Variants in BABAM2 observed in about 807,000 individuals in gnomAD.
The protein encoded by BABAM2 is BRISC and BRCA1-A complex member 2.
A neutral mutation model predicts 54.7 loss-of-function variants in BABAM2; 31 were observed. The ratio of observed to expected loss-of-function variants is 0.57; its 90% CI spans 0.43 to 0.77. The LOEUF is 0.77. BABAM2 is among the 30% of genes least tolerant of loss of function. The pLI, the probability that BABAM2 is intolerant of heterozygous loss-of-function variation, is 0.00. For missense variants in BABAM2, 364 were observed against 455.8 expected (o/e 0.80, Z 1.83); for synonymous variants, 167 against 162.9 (o/e 1.03, Z -0.19).
chr2:28,259,815 G>A (rs893259946), intron 10 of BABAM2, among the ~76,000 whole-genome samples: 2 of 151,036 alleles, frequency 1.3e-5, no homozygotes, highest in Non-Finnish European at 2.9e-5. Context: ...TATCCAGTTT[G>A]TTGAAAAGTC....
At chr2:27,914,063 A>C (rs1287257420) in intron 2 of BABAM2, among the ~76,000 whole-genome samples, 1 of 152,206 alleles carries the variant, frequency 6.6e-6, no homozygotes, top group Non-Finnish European at 1.5e-5. Flanking sequence ...GTCATATTAA[A>C]GTATAACATT....
chr2:28,066,108 G>A (rs146083994), intron 6 of BABAM2, among the ~76,000 whole-genome samples: 2,044 of 150,744 alleles, frequency 0.014, 26 homozygotes, highest in Non-Finnish European at 0.02. Flanking sequence ...GTAGTGAGCC[G>A]AGATCGCGCC....
At position 28,248,575 on chromosome 2, in the gene BABAM2, A is replaced by C. The variant is rs541793744; in HGVS notation, c.934+3713A>C. ...ATAGCAAGGCGAAGTAACAGAACAA[A>C]AAAAATCCTCTGGGGAAAAGCTACA... On this transcript the variant is annotated intron_variant, in intron 10 of 11. Transcript: ENST00000379624. Among the ~76,000 whole-genome samples, 93 of 152,286 alleles carry C rather than the reference A, an allele frequency of 6.1e-4. 2 individuals are homozygous for C. Among genetic ancestry groups the C allele is most frequent in the African/African-American group, 2.2e-3 (91 of 41,564 alleles).
chr2:28,094,019 A>G (rs1666384884), intron 6 of BABAM2, among the ~76,000 whole-genome samples: 1 of 152,198 alleles, frequency 6.6e-6, no homozygotes, highest in Non-Finnish European at 1.5e-5. Context: ...ACACATTGAA[A>G]TAGCCAGGAG....
chr2:28,118,313 T>G (rs537884557), intron 6 of BABAM2, among the ~76,000 whole-genome samples: 47 of 152,338 alleles, frequency 3.1e-4, no homozygotes, highest in African/African-American at 1.1e-3. Context: ...CCCACAATGG[T>G]TGAACTAATT....
chr2:27,962,639 T>A (rs1670552404), intron 3 of BABAM2, among the ~76,000 whole-genome samples: 1 of 152,188 alleles, frequency 6.6e-6, no homozygotes, highest in Non-Finnish European at 1.5e-5. Context: ...AGAAAGAAAT[T>A]TGATATGGTC....
intron 10 of BABAM2, among the ~76,000 whole-genome samples, chr2:28,245,825 T>C (rs963266271): frequency 2.0e-5 from 3 of 152,194 alleles, no homozygotes; most frequent in Admixed American, 1.3e-4. Flanking sequence ...CATCAGACAG[T>C]GTAAAGATAC....
At chr2:28,201,938 C>CT (rs1678319811) in intron 7 of BABAM2, among the ~76,000 whole-genome samples, 2 of 8,310 alleles carry the variant, frequency 2.4e-4, no homozygotes, top group Middle Eastern at 0.5. Context: ...AGATACAGAA[C>CT]CGGTGTTCTG....
In BABAM2 at chr2:28,006,687, G is replaced by A. The variant is rs73923963; in HGVS notation, c.301-18539G>A. On this transcript the variant is annotated intron_variant, in intron 4 of 11. Transcript: ENST00000379624. ...CATCAAGTAAGGTGAATGATACTAA[G>A]TATGCTTTATTTTAAACAATAACAG... Among the ~76,000 whole-genome samples, 1,406 of 152,078 alleles carry A rather than the reference G, an allele frequency of 9.2e-3. 24 individuals carry two copies. Among genetic ancestry groups the A allele is most frequent in the African/African-American group, 0.032 (1,311 of 41,520 alleles).
rs567662049 is a variant in BABAM2 at position 27,979,325 on chromosome 2, C to A, written c.206-8668C>A. 3.4e-4 allele frequency among the ~76,000 whole-genome samples: 52 copies of A among 151,940 alleles called. No individual in the cohort carries two copies. The South Asian group carries it at 0.01, about 30-fold the overall frequency. On this transcript the variant is annotated intron_variant, in intron 3 of 11. Transcript: ENST00000379624. ...CTGAGATTACAGGTGTGAGCCACTG[C>A]GCCTGGCCTATGTACATTTTCTTTA...
At chr2:28,219,716 T>C (rs1680224904) in intron 7 of BABAM2, among the ~76,000 whole-genome samples, 1 of 151,636 alleles carries the variant, frequency 6.6e-6, no homozygotes, top group East Asian at 1.9e-4. Flanking sequence ...AGAAATTGCT[T>C]TATGTTTAGT....
At chr2:28,181,683 T>C (rs1280561455) in intron 7 of BABAM2, among the ~76,000 whole-genome samples, 1 of 151,894 alleles carries the variant, frequency 6.6e-6, no homozygotes, top group Non-Finnish European at 1.5e-5. Context: ...ATTAAAAAAG[T>C]ACAGATTTAG....
At chr2:27,980,549 A>G (rs1307675389) in intron 3 of BABAM2, among the ~76,000 whole-genome samples, 1 of 152,238 alleles carries the variant, frequency 6.6e-6, no homozygotes, top group Non-Finnish European at 1.5e-5. Context: ...GCTGTACAGT[A>G]TTGAGGCAAA....
chr2:28,183,848 A>G (rs1675938751), intron 7 of BABAM2, among the ~76,000 whole-genome samples: 3 of 152,014 alleles, frequency 2.0e-5, no homozygotes, highest in South Asian at 2.1e-4. Flanking sequence ...TACAACATGC[A>G]TGTCCTGTTT....
chr2:28,264,146 A>T (rs1479694494), intron 10 of BABAM2, among the ~76,000 whole-genome samples: 1 of 152,194 alleles, frequency 6.6e-6, no homozygotes, highest in Non-Finnish European at 1.5e-5. Flanking sequence ...TTTCAGGTTA[A>T]ACATGGAATC....
At chr2:28,326,559 CA>C (rs1690477455) in intron 11 of BABAM2, among the ~76,000 whole-genome samples, 1 of 152,218 alleles carries the variant, frequency 6.6e-6, no homozygotes, top group Admixed American at 6.5e-5. Flanking sequence ...CTCAGTGCCA[CA>C]CAGCCATTCC....
intron 2 of BABAM2, among the ~76,000 whole-genome samples, chr2:27,911,032 C>G (rs1330624786): frequency 1.3e-5 from 2 of 152,142 alleles, no homozygotes; most frequent in Admixed American, 6.5e-5. Flanking sequence ...AGGGGCTTTT[C>G]CCCCTTTTGC....
chr2:28,194,603 G>A (rs1677308587), intron 7 of BABAM2, among the ~76,000 whole-genome samples: 1 of 102,404 alleles, frequency 9.8e-6, no homozygotes, highest in Non-Finnish European at 1.9e-5. Context: ...TTTTGAGAAG[G>A]AGTCTTGCTT....
At chr2:28,153,713 C>T (rs1458332275) in intron 7 of BABAM2, among the ~76,000 whole-genome samples, 1 of 152,070 alleles carries the variant, frequency 6.6e-6, no homozygotes, top group Admixed American at 6.5e-5. Flanking sequence ...CCATGCCAGA[C>T]CTACCAAATC....
Sources: gnomAD v4.1 joint callset for allele counts (sites outside exome capture counted in the v4.1 genomes callset) on GRCh38, gnomAD v4.1.1 for gene constraint, MANE v1.5 for transcripts, NCBI Gene and HGNC (gene_info 2026-07-23, HGNC 2026-07-21) for gene names.